Variants in CDKN2B-AS1 observed in about 807,000 individuals in gnomAD.
CDKN2B-AS1 encodes CDKN2B and CDKN2A antisense cis and trans regulatory RNA 1.
intron 4 of CDKN2B-AS1, among the ~76,000 whole-genome samples, chr9:22,124,188 G>A (rs1036737459): frequency 2.0e-5 from 3 of 152,062 alleles, no homozygotes; most frequent in South Asian, 2.1e-4. Flanking sequence ...TTCTGAGGTC[G>A]CAACTAAAAG....
chr9:22,126,063 G>A (rs1220176427), intron 4 of CDKN2B-AS1, among the ~76,000 whole-genome samples: 4 of 152,126 alleles, frequency 2.6e-5, no homozygotes, highest in African/African-American at 9.7e-5. Flanking sequence ...TATAACTTTT[G>A]ACTCCCCCAA....
intron 1 of CDKN2B-AS1, among the ~76,000 whole-genome samples, chr9:22,035,900 G>A (rs188225680): frequency 6.6e-6 from 1 of 152,242 alleles, no homozygotes; most frequent in Non-Finnish European, 1.5e-5. Flanking sequence ...TTGACTAAAG[G>A]AGAATTGCAT....
intron 4 of CDKN2B-AS1, among the ~76,000 whole-genome samples, chr9:22,080,241 C>G (rs1409437177): frequency 6.6e-6 from 1 of 152,232 alleles, no homozygotes; most frequent in Non-Finnish European, 1.5e-5. Flanking sequence ...GTTGCAAGAA[C>G]AGACTTTCCC....
intron 2 of CDKN2B-AS1, among the ~76,000 whole-genome samples, chr9:22,047,284 GAC>G (rs1823147469): frequency 6.6e-6 from 1 of 152,098 alleles, no homozygotes; most frequent in Non-Finnish European, 1.5e-5. Context: ...GCATAAAGGA[GAC>G]ACTCATTATT....
At chr9:22,063,734 G>A (rs1823917415) in intron 4 of CDKN2B-AS1, among the ~76,000 whole-genome samples, 1 of 152,170 alleles carries the variant, frequency 6.6e-6, no homozygotes, top group African/African-American at 2.4e-5. Context: ...TCTGTTTTGG[G>A]AAAGGCTAGT....
rs1821151609 is a variant in CDKN2B-AS1 at position 22,005,944 on chromosome 9, G to A, written n.29+10783G>A. On this transcript the variant is annotated intron_variant and non_coding_transcript_variant, in intron 1 of 4. Transcript: ENST00000650946. The surrounding 1 kb of genome is among the most constrained non-coding windows in gnomAD (Gnocchi z 4.9). ...TTAGGTGGGTGGGGGTGGGAAATTG[G>A]GTAAGAAAATAAAGTCGTTGTGGGC... 22 of 1,596,114 alleles carry A rather than the reference G, an allele frequency of 1.4e-5. No individual in the cohort carries two copies. Among genetic ancestry groups the A allele is most frequent in the Non-Finnish European group, 1.8e-5 (21 of 1,178,852 alleles).
At chr9:22,094,468 A>G (rs1030305527) in intron 4 of CDKN2B-AS1, among the ~76,000 whole-genome samples, 1 of 144,422 alleles carries the variant, frequency 6.9e-6, no homozygotes, top group Non-Finnish European at 1.5e-5. Context: ...TCAGAAGTAG[A>G]TTTGGTCTTT....
chr9:22,078,150 C>T (rs1208328384), intron 4 of CDKN2B-AS1, among the ~76,000 whole-genome samples: 1 of 152,106 alleles, frequency 6.6e-6, no homozygotes, highest in East Asian at 1.9e-4. Context: ...ACTGATTGTA[C>T]TTACGATATG....
intron 4 of CDKN2B-AS1, among the ~76,000 whole-genome samples, chr9:22,105,993 C>T (rs1206523410): frequency 6.6e-6 from 1 of 152,186 alleles, no homozygotes; most frequent in African/African-American, 2.4e-5. Flanking sequence ...TCACTGCAAC[C>T]TCTGCCTCCC....
intron 1 of CDKN2B-AS1, among the ~76,000 whole-genome samples, chr9:22,043,139 A>G (rs967480631): frequency 1.3e-5 from 2 of 152,086 alleles, no homozygotes; most frequent in African/African-American, 2.4e-5. Context: ...AGCCATATCA[A>G]TTATTCATTT....
intron 4 of CDKN2B-AS1, among the ~76,000 whole-genome samples, chr9:22,098,910 G>A (rs1167120027): frequency 9.2e-5 from 14 of 152,162 alleles, no homozygotes; most frequent in Admixed American, 7.2e-4. Context: ...AATGCTTACC[G>A]TGTTCAGGGC....
At chr9:22,079,584 C>G (rs2131327640) in intron 4 of CDKN2B-AS1, among the ~76,000 whole-genome samples, 2 of 151,444 alleles carry the variant, frequency 1.3e-5, no homozygotes, top group South Asian at 4.2e-4. Flanking sequence ...GAGGGAACAA[C>G]TTGTGGAAAA....
At chr9:22,074,083 G>A (rs1045800064) in intron 4 of CDKN2B-AS1, among the ~76,000 whole-genome samples, 1 of 151,994 alleles carries the variant, frequency 6.6e-6, no homozygotes, top group African/African-American at 2.4e-5. Context: ...GGCTGGTCTC[G>A]AACTCCTAGG....
chr9:22,119,171 G>A (rs1052061339), intron 4 of CDKN2B-AS1: 1 of 151,848 alleles, frequency 6.6e-6, no homozygotes, highest in African/African-American at 2.4e-5. Context: ...TGAGGCCCAA[G>A]TGCAATAATA....
intron 1 of CDKN2B-AS1, among the ~76,000 whole-genome samples, chr9:22,014,556 A>G (rs1384511947): frequency 6.6e-6 from 1 of 152,142 alleles, no homozygotes; most frequent in African/African-American, 2.4e-5. Context: ...CTAGATTTTG[A>G]AATGTATTTA....
At chr9:22,047,151 G>A (rs1207502454) in intron 2 of CDKN2B-AS1, among the ~76,000 whole-genome samples, 1 of 152,064 alleles carries the variant, frequency 6.6e-6, no homozygotes, top group African/African-American at 2.4e-5. Context: ...CTTTGCTCAA[G>A]CATTGCTCTG....
chr9:22,037,729 G>A (rs1187852390), intron 1 of CDKN2B-AS1, among the ~76,000 whole-genome samples: 1 of 151,850 alleles, frequency 6.6e-6, no homozygotes, highest in African/African-American at 2.4e-5. Context: ...ATTCATTCAG[G>A]GAACTCATAT....
At chr9:22,004,899 A>G (rs140726127) in intron 1 of CDKN2B-AS1, 56 of 233,328 alleles carry the variant, frequency 2.4e-4, no homozygotes, top group African/African-American at 1.1e-3. Context: ...AAATAGGTTA[A>G]GAAGAAAGCA....
chr9:22,011,488 T>TGA (rs1213871055), intron 1 of CDKN2B-AS1, among the ~76,000 whole-genome samples: 6 of 152,210 alleles, frequency 3.9e-5, no homozygotes, highest in African/African-American at 1.4e-4. Context: ...AGAATTTGAG[T>TGA]GACTTGTATA....
Sources: gnomAD v4.1 joint callset for allele counts (sites outside exome capture counted in the v4.1 genomes callset) on GRCh38, gnomAD v4.1.1 for gene constraint, Gnocchi (gnomAD v3.1) non-coding constraint, MANE v1.5 for transcripts, NCBI Gene and HGNC (gene_info 2026-07-23, HGNC 2026-07-21) for gene names.